The following CCDC134 variants were observed in gnomAD, a reference collection of about 807,000 sequenced individuals.
CCDC134 encodes coiled-coil domain-containing protein 134.
In CCDC134, 27 loss-of-function variants were observed where a neutral mutation model predicts 25.6. The observed-to-expected ratio is 1.05, with a 90% CI of 0.78 to 1.45. The LOEUF (loss-of-function observed/expected upper bound fraction) is 1.45. CCDC134 is among the 40% of genes most tolerant of loss of function. The pLI is 0.00. For synonymous variants in CCDC134, 110 were observed against 115.0 expected (o/e 0.96, Z 0.28); for missense variants, 261 against 286.7 (o/e 0.91, Z 0.65).
intron 4 of CCDC134, among the ~76,000 whole-genome samples, chr22:41,812,250 A>T (rs2076599866): frequency 6.6e-6 from 1 of 152,006 alleles, no homozygotes; most frequent in South Asian, 2.1e-4. Flanking sequence ...GTGAAACCCC[A>T]TCTCTACCAA....
At position 41,830,949 on chromosome 22, in the gene CCDC134, G is replaced by A. The variant is rs1248368130; in HGVS notation, c.*5126G>A. ...TGCCCAGGCTGGAGTGCAATGGCGC[G>A]ATCTCTGCTCACCGTAACTTCTGCC... is the stretch of plus-strand genomic sequence containing the variant. On this transcript the variant is annotated 3_prime_UTR_variant, in exon 7 of 7. Coordinates refer to ENST00000255784, the MANE Select transcript of CCDC134 (RefSeq NM_024821.5). 1.4e-5 allele frequency among the ~76,000 whole-genome samples: 2 copies of A among 143,750 alleles called. No individual in the cohort carries two copies. Among genetic ancestry groups the A allele is most frequent in the Non-Finnish European group, 3.0e-5 (2 of 67,206 alleles). The allele number at this position is 143,750 out of a possible 152,430, so 94.3% of individuals were successfully genotyped here. A position where few individuals can be genotyped will look rare whatever the true frequency, so the allele number is the denominator to read the frequency against.
In CCDC134 at chr22:41,825,697, G is replaced by C; in HGVS notation, c.565-1G>C. ...TCAGACTGCTCTTCTCTTCCCTTCA[G>C]TTCATTCCCAGCACTGACCCTTTCC... is the stretch of plus-strand genomic sequence containing the variant. On this transcript the variant is annotated splice_acceptor_variant, in intron 6 of 6. Coordinates refer to ENST00000255784, the MANE Select transcript of CCDC134 (RefSeq NM_024821.5). LOFTEE classifies it high-confidence loss of function. This position sits in a 1 kb window ranked among gnomAD's most constrained non-coding sequence, Gnocchi z 4.4. 1 of 1,613,990 alleles carries C rather than the reference G, an allele frequency of 6.2e-7. No individual in the cohort carries two copies. Among genetic ancestry groups the C allele is most frequent in the Non-Finnish European group, 8.5e-7 (1 of 1,179,912 alleles).
At chr22:41,803,828 A>C (rs1307171347) in intron 1 of CCDC134, among the ~76,000 whole-genome samples, 1 of 152,108 alleles carries the variant, frequency 6.6e-6, no homozygotes, top group Admixed American at 6.6e-5. Context: ...TGATAATCTC[A>C]GTTTGCATAA....
At chr22:41,815,635 G>A (rs186728424) in intron 6 of CCDC134, among the ~76,000 whole-genome samples, 1 of 152,088 alleles carries the variant, frequency 6.6e-6, no homozygotes, top group Non-Finnish European at 1.5e-5. Context: ...CTGAATAGCA[G>A]GGTAAGGCCA....
At chr22:41,805,390 C>T (rs1021468763) in intron 1 of CCDC134, among the ~76,000 whole-genome samples, 6 of 151,890 alleles carry the variant, frequency 4.0e-5, no homozygotes, top group Non-Finnish European at 7.4e-5. Context: ...CATGATTATA[C>T]CACTGTACTC....
intron 2 of CCDC134, 54 bp from the exon 3 acceptor site, chr22:41,809,825 T>A: frequency 6.2e-7 from 1 of 1,608,400 alleles, no homozygotes. Context: ...GCAAGACTGC[T>A]GGATTGTCCA....
rs1569360444 is a variant in CCDC134, at chr22:41,827,078, G to C, written c.*1255G>C. 6.6e-6 allele frequency among the ~76,000 whole-genome samples: 1 copy of C among 152,196 alleles called. No homozygotes were observed. Among genetic ancestry groups the C allele is most frequent in the Non-Finnish European group, 1.5e-5 (1 of 68,026 alleles). ...TGTATCCCCTGCCCAGCCCTAACCT[G>C]TTTCTCTGAGGCTGGCCTCCCTACG... On this transcript the variant is annotated 3_prime_UTR_variant, in exon 7 of 7. Transcript: ENST00000255784.
At chr22:41,814,017 G>A (rs1019458978) in intron 6 of CCDC134, among the ~76,000 whole-genome samples, 195 bp downstream of exon 6, 5 of 152,194 alleles carry the variant, frequency 3.3e-5, no homozygotes, top group African/African-American at 1.2e-4. Flanking sequence ...CAGGCTCCCT[G>A]TCTGTTCACA....
chr22:41,816,787 G>A (rs935617140), intron 6 of CCDC134, among the ~76,000 whole-genome samples: 6 of 152,086 alleles, frequency 3.9e-5, no homozygotes, highest in Non-Finnish European at 5.9e-5. Context: ...GTGTGGTGGC[G>A]CATGCCTGGA....
chr22:41,806,821 T>C (rs4820445), intron 1 of CCDC134, among the ~76,000 whole-genome samples: 111,829 of 151,772 alleles, frequency 0.74, 41,775 homozygotes, highest in African/African-American at 0.83. Flanking sequence ...GCTGAGGCGG[T>C]GGATCACCTA....
intron 6 of CCDC134, among the ~76,000 whole-genome samples, chr22:41,814,567 C>CAA (rs1331286924): frequency 7.6e-6 from 1 of 131,122 alleles, no homozygotes; most frequent in Admixed American, 7.7e-5. Flanking sequence ...AACTCCGTAT[C>CAA]AAAAAAAAAA....
chr22:41,802,361 C>G (rs2076547531), intron 1 of CCDC134, among the ~76,000 whole-genome samples: 1 of 152,150 alleles, frequency 6.6e-6, no homozygotes, highest in African/African-American at 2.4e-5. Context: ...TTGTTGGTCT[C>G]TTGCCATGTT....
At chr22:41,808,777 T>C (rs2076579987) in intron 1 of CCDC134, 98 bp from the exon 2 acceptor site, 1 of 932,776 alleles carries the variant, frequency 1.1e-6, no homozygotes, top group Admixed American at 2.1e-5. Flanking sequence ...ATACAGAGGC[T>C]GCACTATGTC....
rs889902525 is a variant in CCDC134 at position 41,828,864 on chromosome 22, G to T, written c.*3041G>T. On this transcript the variant is annotated 3_prime_UTR_variant, in exon 7 of 7. Coordinates refer to ENST00000255784, the MANE Select transcript of CCDC134 (RefSeq NM_024821.5). ...CAAGTCCAGTGACCAGTGCCAGGGT[G>T]CCCAGTGGTGGCAACAGTGGTGTTT... is the stretch of plus-strand genomic sequence containing the variant. 6.6e-6 allele frequency among the ~76,000 whole-genome samples: 1 copy of T among 152,202 alleles called. No individual in the cohort carries two copies. The highest frequency in any genetic ancestry group is 2.4e-5 in the African/African-American group (1 of 41,440).
At chr22:41,807,986 C>A (rs2076576728) in intron 1 of CCDC134, among the ~76,000 whole-genome samples, 1 of 152,016 alleles carries the variant, frequency 6.6e-6, no homozygotes, top group Non-Finnish European at 1.5e-5. Context: ...TATGGAGAAA[C>A]CCCGTCTCTA....
At position 41,825,625 on chromosome 22, in the gene CCDC134, C is replaced by T. The variant is rs867977087; in HGVS notation, c.565-73C>T. ...AGGGAACCTTCCTATTCCCACACCC[C>T]GCTGGTGGCCTAGCTCAGAGCAGGC... On this transcript the variant is annotated intron_variant, in intron 6 of 6. Transcript: ENST00000255784. This position sits in a 1 kb window ranked among gnomAD's most constrained non-coding sequence, Gnocchi z 4.4. 17 of 1,586,574 alleles carry T rather than the reference C, an allele frequency of 1.1e-5. No individual in the cohort carries two copies. Among genetic ancestry groups the T allele is most frequent in the Middle Eastern group, 1.7e-4 (1 of 5,840 alleles).
rs573601264 is a variant in CCDC134, at chr22:41,825,055, A to C, written c.565-643A>C. Among the ~76,000 whole-genome samples the C allele has an allele frequency of 2.6e-5, 4 of 152,050 alleles. No individual in the cohort carries two copies. Among genetic ancestry groups the C allele is most frequent in the South Asian group, 4.2e-4 (2 of 4,804 alleles). On this transcript the variant is annotated intron_variant, in intron 6 of 6. Transcript: ENST00000255784. This position sits in a 1 kb window ranked among gnomAD's most constrained non-coding sequence, Gnocchi z 4.4. ...TCATCAGAACAGGGACTCTGGGGAG[A>C]GGGAACCATACTGAGTCTAGGGTGC...
chr22:41,813,739 C>T lies in CCDC134; in HGVS notation c.493-12C>T. ...AGAAGGCAGATGATGACTAGTGTTT[C>T]TTCATCTGCAGATGGCCCAGGAGCT... On this transcript the variant is annotated splice_polypyrimidine_tract_variant and intron_variant, in intron 5 of 6. Transcript: ENST00000255784. The T allele has an allele frequency of 6.2e-7, 1 of 1,613,574 alleles. No homozygotes were observed. Among genetic ancestry groups the T allele is most frequent in the Non-Finnish European group, 8.5e-7 (1 of 1,179,454 alleles).
chr22:41,805,937 A>G (rs551057270), intron 1 of CCDC134, among the ~76,000 whole-genome samples: 1 of 152,248 alleles, frequency 6.6e-6, no homozygotes, highest in South Asian at 2.1e-4. Context: ...AATACAGAAA[A>G]GAAAAGAAAA....
Sources: gnomAD v4.1 joint callset for allele counts (sites outside exome capture counted in the v4.1 genomes callset) on GRCh38, gnomAD v4.1.1 for gene constraint, Gnocchi (gnomAD v3.1) non-coding constraint, MANE v1.5 for transcripts, NCBI Gene and HGNC (gene_info 2026-07-23, HGNC 2026-07-21) for gene names.